SENP2: variants seen among roughly 807,000 people sequenced by gnomAD.
SENP2 encodes sentrin-specific protease 2.
Under a neutral mutation model 86.3 loss-of-function variants are expected in SENP2, and 16 were observed. The ratio of observed to expected loss-of-function variants is 0.19; its 90% CI spans 0.13 to 0.28. The LOEUF is 0.28. Ranked by LOEUF, SENP2 falls within the 10% of genes least tolerant of loss-of-function variation. The probability of loss-of-function intolerance (pLI) is 1.00; values close to 1 mark genes in which losing one functional copy is unlikely to be tolerated. For synonymous variants in SENP2, 222 were observed against 238.7 expected (o/e 0.93, Z 0.64); for missense variants, 552 against 703.0 (o/e 0.79, Z 2.43).
In SENP2 at chr3:185,602,957, G is replaced by C. The variant is rs560340010; in HGVS notation, c.449+2102G>C. ...GGATGGAGTCTTGCTCTGTCACCCAGGCTGGAGTTCAGTGGCATGATCTCG... is the reference window on the plus strand; with the variant it reads ...GGATGGAGTCTTGCTCTGTCACCCACGCTGGAGTTCAGTGGCATGATCTCG... On this transcript the variant is annotated intron_variant, in intron 5 of 16. Transcript: ENST00000296257. Among the ~76,000 whole-genome samples the C allele has an allele frequency of 1.0e-3, 137 of 136,252 alleles. 1 individual carries two copies. The highest frequency in any genetic ancestry group is 3.6e-3 in the African/African-American group (127 of 35,774). 89.4% of individuals were successfully genotyped at this position (136,252 alleles called of 152,430 possible).
rs372085045 is a variant in SENP2 at position 185,609,473 on chromosome 3, C to T, written c.722+123C>T. On this transcript the variant is annotated intron_variant, in intron 7 of 16. Coordinates refer to ENST00000296257, the MANE Select transcript of SENP2 (RefSeq NM_021627.3). ...TTAACCCTGAGAGAACTAGCTCTGT[C>T]ATTTGCCTGGATATTTATCTAGTAA... 9 of 643,642 alleles carry T rather than the reference C, an allele frequency of 1.4e-5. No individual in the cohort carries two copies. In the African/African-American group the frequency reaches 1.7e-4, roughly 12 times the overall value. The allele number at this position is 643,642 out of a possible 1,614,324, so 39.9% of individuals were successfully genotyped here. A position where few individuals can be genotyped will look rare whatever the true frequency, so the allele number is the denominator to read the frequency against.
intron 14 of SENP2, among the ~76,000 whole-genome samples, chr3:185,622,433 A>G (rs1206421021): frequency 6.6e-6 from 1 of 152,172 alleles, no homozygotes; most frequent in African/African-American, 2.4e-5. Flanking sequence ...AGATGGGTCC[A>G]TTTTTCCTTT....
intron 2 of SENP2, among the ~76,000 whole-genome samples, chr3:185,595,568 T>C (rs1001705747): frequency 6.6e-6 from 1 of 152,192 alleles, no homozygotes; most frequent in African/African-American, 2.4e-5. Context: ...GCTTAAAAGC[T>C]ACCATTGCAG....
chr3:185,623,857 A>G (rs1227538778), intron 14 of SENP2, 141 bp from the exon 15 acceptor site: 7 of 437,124 alleles, frequency 1.6e-5, no homozygotes, highest in Non-Finnish European at 2.8e-5. Context: ...AAAATCCAGA[A>G]AGCAGTCACG....
chr3:185,607,599 G>A (rs1389406885), intron 6 of SENP2, among the ~76,000 whole-genome samples: 1 of 152,142 alleles, frequency 6.6e-6, no homozygotes, highest in East Asian at 1.9e-4. Context: ...CAAAGTGCTG[G>A]GATTACAGGC....
rs899255610 is a variant in SENP2 at position 185,629,696 on chromosome 3, T to C, written c.1708-86T>C. ...ACTTAGAAAAAGCACATGGACATCC[T>C]GCTTTATTACATGATTACACCTGAA... is the stretch of plus-strand genomic sequence containing the variant. On this transcript the variant is annotated intron_variant, in intron 16 of 16. Coordinates refer to ENST00000296257, the MANE Select transcript of SENP2 (RefSeq NM_021627.3). The C allele has an allele frequency of 8.4e-6, 11 of 1,310,888 alleles. No homozygotes were observed. In the Admixed American group the frequency reaches 1.9e-4, roughly 22 times the overall value. The allele number at this position is 1,310,888 out of a possible 1,614,324, so 81.2% of individuals were successfully genotyped here. A position where few individuals can be genotyped will look rare whatever the true frequency, so the allele number is the denominator to read the frequency against.
Position 185,609,340 on chromosome 3 carries a change from A to G in SENP2, c.712A>G (p.Asn238Asp), listed in dbSNP as rs79193891. 831 of 1,609,774 alleles carry G rather than the reference A, an allele frequency of 5.2e-4. 2 individuals carry two copies. The African/African-American group carries it at 9.1e-3, about 18-fold the overall frequency. ...AAACTCTGTCTGTCCTGTAACTTCAAATTATCACAGGTGACAGTGAGCTAA... is the reference window on the plus strand; with the variant it reads ...AAACTCTGTCTGTCCTGTAACTTCAGATTATCACAGGTGACAGTGAGCTAA... ...HGNSVCPVTS[N>D]YHSSQRSQMD... The change falls in exon 7 of 17, where the codon AAT becomes GAT. Residue 238 changes from asparagine to aspartate, a missense_variant. Transcript: ENST00000296257.
chr3:185,622,966 G>A (rs191585844), intron 14 of SENP2, among the ~76,000 whole-genome samples: 7 of 151,638 alleles, frequency 4.6e-5, no homozygotes, highest in African/African-American at 9.7e-5. Flanking sequence ...ACAGGCTTCC[G>A]TCACTATGCC....
chr3:185,622,424 G>C (rs1461549189), intron 14 of SENP2, among the ~76,000 whole-genome samples: 1 of 152,196 alleles, frequency 6.6e-6, no homozygotes, highest in Non-Finnish European at 1.5e-5. Context: ...GCATCAGTAA[G>C]ATGGGTCCAT....
chr3:185,624,218 T>G (rs968944196), intron 15 of SENP2, 136 bp downstream of exon 15: 2 of 584,164 alleles, frequency 3.4e-6, no homozygotes, highest in African/African-American at 3.8e-5. Context: ...TCTTTCTTTC[T>G]TTTTTGTAGA....
intron 1 of SENP2, among the ~76,000 whole-genome samples, chr3:185,587,959 T>G (rs1188045472): frequency 6.7e-6 from 1 of 150,308 alleles, no homozygotes; most frequent in African/African-American, 2.5e-5. Flanking sequence ...CAGGCTAGTC[T>G]TGAACTCCTG....
chr3:185,591,797 C>T (rs1212812808), intron 2 of SENP2, among the ~76,000 whole-genome samples: 1 of 151,694 alleles, frequency 6.6e-6, no homozygotes, highest in East Asian at 1.9e-4. Context: ...GTGGCATAAT[C>T]ATGGCTCACT....
intron 11 of SENP2, among the ~76,000 whole-genome samples, chr3:185,617,136 T>A (rs1217776072): frequency 6.6e-6 from 1 of 152,144 alleles, no homozygotes; most frequent in Non-Finnish European, 1.5e-5. Context: ...AAGTATTACT[T>A]ACAACAATTA....
At chr3:185,591,517 A>G (rs1721997418) in intron 2 of SENP2, among the ~76,000 whole-genome samples, 1 of 149,020 alleles carries the variant, frequency 6.7e-6, no homozygotes, top group African/African-American at 2.5e-5. Flanking sequence ...ATGCCCGGCT[A>G]ATTTTTTGTA....
At chr3:185,596,470 A>C (rs1036953725) in intron 2 of SENP2, among the ~76,000 whole-genome samples, 1 of 151,984 alleles carries the variant, frequency 6.6e-6, no homozygotes, top group Admixed American at 6.6e-5. Flanking sequence ...AAATCAAAAA[A>C]ATTAGCCAGA....
intron 5 of SENP2, among the ~76,000 whole-genome samples, chr3:185,603,093 G>T (rs549075776): frequency 2.6e-5 from 4 of 151,068 alleles, no homozygotes; most frequent in African/African-American, 9.7e-5. Context: ...TGTATTTTTG[G>T]TAGAGATGGG....
intron 13 of SENP2, 150 bp downstream of exon 13, chr3:185,619,652 T>C: frequency 4.4e-6 from 2 of 450,502 alleles, no homozygotes; most frequent in African/African-American, 2.0e-5. Context: ...TTTTTTTTAA[T>C]GTCCCATCCT....
At position 185,623,826 on chromosome 3, in the gene SENP2, C is replaced by CAAAAAAA. The variant is rs63707460; in HGVS notation, c.1527-154_1527-148dup. ...TGGGCGACAGAGCGAGACTCTGTCTCAAAAAAAAAAAAAAAAAAAAAAAAT... is the reference window on the plus strand; with the variant it reads ...TGGGCGACAGAGCGAGACTCTGTCTCAAAAAAAAAAAAAAAAAAAAAAAAAAAAAAAT... On this transcript the variant is annotated intron_variant, in intron 14 of 16. Coordinates refer to ENST00000296257, the MANE Select transcript of SENP2 (RefSeq NM_021627.3). 2.3e-3 allele frequency among the ~76,000 whole-genome samples: 108 copies of CAAAAAAA among 47,714 alleles called. 3 individuals carry two copies. Among genetic ancestry groups the CAAAAAAA allele is most frequent in the Middle Eastern group, 9.3e-3 (1 of 108 alleles). 31.3% of individuals were successfully genotyped at this position (47,714 alleles called of 152,430 possible).
chr3:185,619,611 T>C, intron 13 of SENP2, 109 bp downstream of exon 13: 3 of 740,144 alleles, frequency 4.1e-6, no homozygotes, highest in Middle Eastern at 6.1e-4. Context: ...GTATATATTA[T>C]AAGCATACTC....
Sources: gnomAD v4.1 joint callset for allele counts (sites outside exome capture counted in the v4.1 genomes callset) on GRCh38, gnomAD v4.1.1 for gene constraint, MANE v1.5 for transcripts, NCBI Gene and HGNC (gene_info 2026-07-23, HGNC 2026-07-21) for gene names.